The following GATAD2B variants were observed in gnomAD, a reference collection of about 807,000 sequenced individuals.
GATAD2B encodes the protein GATA zinc finger domain containing 2B.
Under a neutral mutation model 64.3 loss-of-function variants are expected in GATAD2B, and 8 were observed. That is an observed-to-expected ratio of 0.12 (90% CI 0.07 to 0.22). The LOEUF (loss-of-function observed/expected upper bound fraction) is 0.22. Among genes scored for constraint, GATAD2B ranks in the 10% least tolerant of loss-of-function variants. GATAD2B has a pLI of 1.00. For missense variants in GATAD2B, 453 were observed against 752.0 expected (o/e 0.60, Z 4.65); for synonymous variants, 281 against 271.3 (o/e 1.04, Z -0.35).
intron 1 of GATAD2B, among the ~76,000 whole-genome samples, chr1:153,843,770 G>C (rs1460180219): frequency 7.4e-6 from 1 of 135,624 alleles, no homozygotes; most frequent in Admixed American, 8.1e-5. Context: ...ATTCAACAGA[G>C]ACCAGAGATT....
intron 1 of GATAD2B, among the ~76,000 whole-genome samples, chr1:153,866,428 A>G (rs1465192399): frequency 1.3e-5 from 2 of 152,148 alleles, no homozygotes; most frequent in African/African-American, 4.8e-5. Flanking sequence ...GTACAGGTGA[A>G]TGAAAGACGA....
intron 1 of GATAD2B, among the ~76,000 whole-genome samples, chr1:153,859,689 A>T (rs12133492): frequency 0.41 from 61,828 of 150,616 alleles, 13,951 homozygotes; most frequent in Non-Finnish European, 0.52. Context: ...TAATAAAAAA[A>T]AAAAAAGACC....
chr1:153,810,273 T>C lies in GATAD2B; in HGVS notation c.1686A>G (p.Gly562=), dbSNP rs780009907. 1 of 1,613,250 alleles carries C rather than the reference T, an allele frequency of 6.2e-7. No homozygotes were observed. Among genetic ancestry groups the C allele is most frequent in the Non-Finnish European group, 8.5e-7 (1 of 1,179,738 alleles). The change falls in exon 11 of 11, where the codon GGA becomes GGG. Residue 562 remains glycine (G), a synonymous_variant. Coordinates refer to ENST00000368655, the MANE Select transcript of GATAD2B (RefSeq NM_020699.4). ...GGTCTGCCAAACTGGGGCCTTTGTGTCCTCCGATGCCAGTATTCAAGTATG... is the reference window on the plus strand; with the variant it reads ...GGTCTGCCAAACTGGGGCCTTTGTGCCCTCCGATGCCAGTATTCAAGTATG... The part of the protein sequence containing the change: ...NIAYLNTGIG[G]HKGPSLADRQ...
At chr1:153,832,544 T>C (rs1439391006) in intron 1 of GATAD2B, among the ~76,000 whole-genome samples, 1 of 152,218 alleles carries the variant, frequency 6.6e-6, no homozygotes, top group Non-Finnish European at 1.5e-5. Flanking sequence ...GGTACAGCAG[T>C]AGCCAAGTCC....
At chr1:153,833,808 C>T (rs1357676212) in intron 1 of GATAD2B, among the ~76,000 whole-genome samples, 3 of 40,522 alleles carry the variant, frequency 7.4e-5, no homozygotes, top group East Asian at 1.6e-3. Flanking sequence ...AAAACTCAGT[C>T]TCCAAAAAAA....
chr1:153,817,197 T>A (rs1674506922), intron 6 of GATAD2B, among the ~76,000 whole-genome samples, 175 bp downstream of exon 6: 1 of 152,240 alleles, frequency 6.6e-6, no homozygotes, highest in Non-Finnish European at 1.5e-5. Context: ...TATTTTAATA[T>A]AATTCCTCAA....
At chr1:153,864,042 AT>A (rs1676398064) in intron 1 of GATAD2B, among the ~76,000 whole-genome samples, 2 of 152,238 alleles carry the variant, frequency 1.3e-5, no homozygotes, top group African/African-American at 4.8e-5. Flanking sequence ...GGAAGTAATA[AT>A]AATAGGCACT....
intron 1 of GATAD2B, among the ~76,000 whole-genome samples, chr1:153,898,031 C>T (rs1171995688): frequency 1.3e-5 from 2 of 148,516 alleles, no homozygotes; most frequent in Non-Finnish European, 3.0e-5. Flanking sequence ...AGGCCAGGCA[C>T]GGTGGCTAAA....
intron 1 of GATAD2B, among the ~76,000 whole-genome samples, chr1:153,860,369 C>T (rs759976764): frequency 6.6e-6 from 1 of 152,308 alleles, no homozygotes; most frequent in South Asian, 2.1e-4. Context: ...GGGCCTCACT[C>T]TGTCACCTAG....
At position 153,922,939 on chromosome 1, in the gene GATAD2B, G is replaced by C. The variant is rs973847442; in HGVS notation, c.-208C>G. On this transcript the variant is annotated 5_prime_UTR_variant, in exon 1 of 11. Coordinates refer to ENST00000368655, the MANE Select transcript of GATAD2B (RefSeq NM_020699.4). Reference sequence around the variant, plus strand: ...GGGGGCAGCGGCGGCGGCGACGGCTGCACCGGCGGCGGCGGCACCACACAA... The same window carrying C: ...GGGGGCAGCGGCGGCGGCGACGGCTCCACCGGCGGCGGCGGCACCACACAA... 2 of 156,224 alleles carry C rather than the reference G, an allele frequency of 1.3e-5. No homozygotes were observed. Among genetic ancestry groups the C allele is most frequent in the Admixed American group, 1.3e-4 (2 of 15,306 alleles). 9.7% of individuals were successfully genotyped at this position (156,224 alleles called of 1,614,324 possible).
At chr1:153,847,697 A>T (rs1675737326) in intron 1 of GATAD2B, among the ~76,000 whole-genome samples, 1 of 151,822 alleles carries the variant, frequency 6.6e-6, no homozygotes, top group South Asian at 2.1e-4. Context: ...ATCTCTTTGA[A>T]TGTTGCTACT....
At chr1:153,817,940 A>T (rs950220615) in intron 5 of GATAD2B, 100 bp downstream of exon 5, 14 of 1,071,802 alleles carry the variant, frequency 1.3e-5, no homozygotes, top group Non-Finnish European at 1.9e-5. Context: ...TAACACCTCT[A>T]TCATGGCCAG....
At chr1:153,866,560 T>A (rs931561375) in intron 1 of GATAD2B, among the ~76,000 whole-genome samples, 1 of 152,186 alleles carries the variant, frequency 6.6e-6, no homozygotes, top group Non-Finnish European at 1.5e-5. Context: ...CGTTCCAAGC[T>A]ATCTAATGCT....
rs1674162512 is a variant in GATAD2B at position 153,808,053 on chromosome 1, T to TA, written c.*2123dup. Reference sequence around the variant, plus strand: ...AGAGGGCAAAGAAAAGATGTAAGAATATATCTTTATATATATATATATAAT... The same window carrying TA: ...AGAGGGCAAAGAAAAGATGTAAGAATAATATCTTTATATATATATATATAAT... On this transcript the variant is annotated 3_prime_UTR_variant, in exon 11 of 11. Transcript: ENST00000368655. 6.6e-6 allele frequency: 1 copy of TA among 151,766 alleles called. No individual in the cohort carries two copies. The allele number at this position is 151,766 out of a possible 1,614,324, so 9.4% of individuals were successfully genotyped here.
intron 1 of GATAD2B, among the ~76,000 whole-genome samples, chr1:153,906,113 C>T (rs953172144): frequency 6.7e-6 from 1 of 149,066 alleles, no homozygotes; most frequent in African/African-American, 2.5e-5. Flanking sequence ...CACACACACA[C>T]ACAAAACAGT....
intron 1 of GATAD2B, among the ~76,000 whole-genome samples, chr1:153,876,227 C>CTAAAAAAAAA (rs71584149): frequency 2.1e-5 from 1 of 48,406 alleles, no homozygotes; most frequent in African/African-American, 8.1e-5. Flanking sequence ...GACTTCGTCT[C>CTAAAAAAAAA]AAAAAAAAAA....
At chr1:153,903,527 C>G (rs963964346) in intron 1 of GATAD2B, among the ~76,000 whole-genome samples, 5 of 152,038 alleles carry the variant, frequency 3.3e-5, no homozygotes, top group African/African-American at 1.2e-4. Context: ...CTTTTGAGTA[C>G]TAGTAGTACT....
At chr1:153,852,973 T>C in intron 1 of GATAD2B, 1 of 954,028 alleles carries the variant, frequency 1.0e-6, no homozygotes, top group Non-Finnish European at 1.7e-6. Context: ...GACTTGGGTC[T>C]TCTCCACAGT....
chr1:153,821,802 G>A (rs891975189), intron 2 of GATAD2B, among the ~76,000 whole-genome samples: 4 of 150,694 alleles, frequency 2.7e-5, no homozygotes, highest in South Asian at 2.1e-4. Context: ...TCCTGACCTC[G>A]TGATCTGCCT....
Sources: allele counts gnomAD v4.1 joint callset (sites outside exome capture counted in the v4.1 genomes callset), GRCh38; gene constraint gnomAD v4.1.1; transcripts MANE v1.5; gene names NCBI Gene and HGNC (gene_info 2026-07-23, HGNC 2026-07-21).